Variants in TTC12 observed in about 807,000 individuals in gnomAD.
TTC12 encodes tetratricopeptide repeat protein 12.
TTC12 carries 70 observed loss-of-function variants against 90.1 expected under a neutral mutation model. That is an observed-to-expected ratio of 0.78 (90% CI 0.64 to 0.95). The LOEUF (loss-of-function observed/expected upper bound fraction) is 0.95. TTC12 is among the 40% of genes least tolerant of loss of function. TTC12 has a pLI of 0.00. For synonymous variants in TTC12, 296 were observed against 311.5 expected (o/e 0.95, Z 0.53); for missense variants, 819 against 846.1 (o/e 0.97, Z 0.40).
At chr11:113,322,925 C>A (rs1947430522) in intron 2 of TTC12, among the ~76,000 whole-genome samples, 2 of 152,104 alleles carry the variant, frequency 1.3e-5, no homozygotes, top group South Asian at 4.1e-4. Flanking sequence ...TTGTCTCCCA[C>A]ACAAGTTCAT....
chr11:113,325,820 A>G, intron 6 of TTC12, 175 bp downstream of exon 6: 1 of 734,986 alleles, frequency 1.4e-6, no homozygotes, highest in Non-Finnish European at 2.1e-6. Context: ...TCCATGATGC[A>G]AATATTCTCA....
Position 113,352,052 on chromosome 11 carries a change from C to T in TTC12, c.1309-18C>T. On this transcript the variant is annotated intron_variant, in intron 15 of 21. Transcript: ENST00000529221. ...TGCCTGCTCTCTGAGGCTCTGCCTT[C>T]TCTCAATTCTCATTTAGAAGACAGA... 1 of 1,612,118 alleles carries T rather than the reference C, an allele frequency of 6.2e-7. No individual in the cohort carries two copies. The highest frequency in any genetic ancestry group is 1.7e-5 in the Admixed American group (1 of 59,526).
At chr11:113,349,230 A>G (rs1949136059) in intron 13 of TTC12, among the ~76,000 whole-genome samples, 1 of 152,120 alleles carries the variant, frequency 6.6e-6, no homozygotes, top group African/African-American at 2.4e-5. Context: ...CACCAGTGAG[A>G]CTCTGGTCCC....
chr11:113,369,267 G>A (rs1950311560), downstream of TTC12: 1 of 152,166 alleles, frequency 6.6e-6, no homozygotes, highest in Non-Finnish European at 1.5e-5. Flanking sequence ...TGGGATTACA[G>A]GCATGCGTCC....
intron 2 of TTC12, among the ~76,000 whole-genome samples, 199 bp downstream of exon 2, chr11:113,316,514 CTG>C (rs1555135686): frequency 1.3e-5 from 2 of 152,220 alleles, no homozygotes; most frequent in Non-Finnish European, 2.9e-5. Context: ...ATCAGAGAAA[CTG>C]TTAACATTCT....
At chr11:113,353,110 C>G (rs1591605398) in intron 16 of TTC12, among the ~76,000 whole-genome samples, 1 of 152,332 alleles carries the variant, frequency 6.6e-6, no homozygotes, top group South Asian at 2.1e-4. Context: ...GTACCTTTTT[C>G]TCTACAGCCT....
chr11:113,318,063 A>G (rs977218053), intron 2 of TTC12, among the ~76,000 whole-genome samples: 1 of 152,186 alleles, frequency 6.6e-6, no homozygotes, highest in African/African-American at 2.4e-5. Context: ...ATTTAAATTT[A>G]TGTAGCCACA....
chr11:113,351,938 G>A (rs1949318052), intron 15 of TTC12, 132 bp from the exon 16 acceptor site: 19 of 1,055,586 alleles, frequency 1.8e-5, no homozygotes, highest in Non-Finnish European at 2.5e-5. Flanking sequence ...GAGACCCCAG[G>A]GATGCCCCTG....
intron 13 of TTC12, among the ~76,000 whole-genome samples, chr11:113,346,195 G>T (rs534647297): frequency 1.4e-4 from 21 of 152,204 alleles, no homozygotes; most frequent in African/African-American, 5.1e-4. Flanking sequence ...AAAAAGTGCT[G>T]GGTTTTAGTC....
chr11:113,364,584 T>TCATC lies in TTC12; in HGVS notation c.1817-250_1817-247dup, dbSNP rs3837407. The stretch of plus-strand genomic sequence containing the variant: ...GACCTGTCTGACACACAGCATTCAT[T>TCATC]CATCTAACAACTGTGTTGTGCTGGG... On this transcript the variant is annotated intron_variant, in intron 20 of 21. Transcript: ENST00000529221. 1.7e-4 allele frequency: 85 copies of TCATC among 504,616 alleles called. No homozygotes were observed. The East Asian group carries it at 3.0e-3, about 18-fold the overall frequency. 31.3% of individuals were successfully genotyped at this position (504,616 alleles called of 1,614,324 possible).
intron 11 of TTC12, chr11:113,341,526 T>G (rs1324979007): frequency 2.7e-6 from 1 of 363,988 alleles, no homozygotes; most frequent in Non-Finnish European, 5.1e-6. Context: ...AGGCTTAGGA[T>G]ACCCGTGTGG....
At chr11:113,321,151 A>G (rs568252454) in intron 2 of TTC12, among the ~76,000 whole-genome samples, 1 of 152,354 alleles carries the variant, frequency 6.6e-6, no homozygotes, top group South Asian at 2.1e-4. Flanking sequence ...AAGATGCTCA[A>G]TTCCAATCAA....
chr11:113,335,844 T>C (rs1555143887), intron 8 of TTC12, among the ~76,000 whole-genome samples: 1 of 152,226 alleles, frequency 6.6e-6, no homozygotes, highest in Non-Finnish European at 1.5e-5. Flanking sequence ...ATTTGGGTTG[T>C]TTCCACTTTT....
In TTC12 at chr11:113,349,995, T is replaced by C. The variant is rs899207191; in HGVS notation, c.1155-78T>C. The C allele has an allele frequency of 1.2e-5, 14 of 1,197,962 alleles. 1 individual carries two copies. In the African/African-American group the frequency reaches 1.2e-4, roughly 10 times the overall value. The allele number at this position is 1,197,962 out of a possible 1,614,324, so 74.2% of individuals were successfully genotyped here. On this transcript the variant is annotated intron_variant, in intron 13 of 21. Transcript: ENST00000529221. ...ACCCGGATGCTGACTCCTTTTTTGG[T>C]TTCCTTGCAAGGTTACCCTGTTGGG...
chr11:113,357,222 T>C (rs1949682245), intron 16 of TTC12, among the ~76,000 whole-genome samples: 1 of 152,244 alleles, frequency 6.6e-6, no homozygotes, highest in Admixed American at 6.5e-5. Context: ...TATTCTGGTA[T>C]TAACACTTGT....
chr11:113,320,644 C>T (rs920507611), intron 2 of TTC12, among the ~76,000 whole-genome samples: 12 of 152,228 alleles, frequency 7.9e-5, no homozygotes, highest in Non-Finnish European at 5.9e-5. Context: ...ATACAAAAAG[C>T]TGTCACTTCC....
chr11:113,322,286 C>T (rs541429945), intron 2 of TTC12, among the ~76,000 whole-genome samples: 3 of 152,036 alleles, frequency 2.0e-5, no homozygotes, highest in South Asian at 2.1e-4. Flanking sequence ...GGAAGCTGGT[C>T]GAATGGAATA....
At chr11:113,348,254 C>T (rs1448986376) in intron 13 of TTC12, among the ~76,000 whole-genome samples, 18 of 152,206 alleles carry the variant, frequency 1.2e-4, no homozygotes, top group Admixed American at 1.2e-3. Context: ...GAGGGTATCT[C>T]CACCTATCCA....
At chr11:113,368,595 C>T (rs1490223798), downstream of TTC12, 1 of 1,137,086 alleles carries the variant, frequency 8.8e-7, no homozygotes, top group Non-Finnish European at 1.3e-6. Context: ...CAGTCCAGAG[C>T]TGCTCACTGT....
Sources: gnomAD v4.1 joint callset for allele counts (sites outside exome capture counted in the v4.1 genomes callset) on GRCh38, gnomAD v4.1.1 for gene constraint, MANE v1.5 for transcripts, NCBI Gene and HGNC (gene_info 2026-07-23, HGNC 2026-07-21) for gene names.